Variants in FBXL7 observed in about 807,000 individuals in gnomAD.
FBXL7 encodes F-box and leucine rich repeat protein 7, also known as F-box/LRR-repeat protein 7.
A neutral mutation model predicts 38.3 loss-of-function variants in FBXL7; 12 were observed. That is an observed-to-expected ratio of 0.31 (90% CI 0.20 to 0.51). FBXL7 has a LOEUF of 0.51. Ranked by LOEUF, FBXL7 falls within the 20% of genes least tolerant of loss-of-function variation. The pLI is 0.98. For synonymous variants in FBXL7, 297 were observed against 300.9 expected, an observed-to-expected ratio of 0.99 and a Z score of 0.13; for missense variants, 567 against 676.4, an observed-to-expected ratio of 0.84 and a Z score of 1.79.
chr5:15,535,701 G>T (rs773311372), intron 1 of FBXL7, among the ~76,000 whole-genome samples: 1 of 152,198 alleles, frequency 6.6e-6, no homozygotes, highest in African/African-American at 2.4e-5. Flanking sequence ...TTCACAAAGA[G>T]ATAATCTGAA....
At chr5:15,721,065 G>A (rs946107319) in intron 2 of FBXL7, among the ~76,000 whole-genome samples, 1 of 152,088 alleles carries the variant, frequency 6.6e-6, no homozygotes, top group Non-Finnish European at 1.5e-5. Context: ...TTTCAATTAT[G>A]CAATTTTGCT....
At chr5:15,512,971 A>G (rs1011004502) in intron 1 of FBXL7, among the ~76,000 whole-genome samples, 10 of 152,216 alleles carry the variant, frequency 6.6e-5, no homozygotes, top group African/African-American at 2.4e-4. Flanking sequence ...TCTTAGGGTT[A>G]TGAATCCTTT....
At chr5:15,818,741 TGTGAGA>T (rs1227278423) in intron 2 of FBXL7, among the ~76,000 whole-genome samples, 729 of 43,208 alleles carry the variant, frequency 0.017, 8 homozygotes, top group African/African-American at 0.048. Context: ...TGTGTGTGTG[TGTGAGA>T]GAGAGAGAGA....
At chr5:15,903,835 G>A (rs56804352) in intron 2 of FBXL7, among the ~76,000 whole-genome samples, 1 of 152,144 alleles carries the variant, frequency 6.6e-6, no homozygotes, top group African/African-American at 2.4e-5. Flanking sequence ...CAGTACAGAG[G>A]TGGCAGAACT....
chr5:15,845,475 T>C (rs1260635103), intron 2 of FBXL7, among the ~76,000 whole-genome samples: 2 of 152,048 alleles, frequency 1.3e-5, no homozygotes, highest in East Asian at 3.9e-4. Flanking sequence ...CTGAGAAAAT[T>C]AGGACTAACC....
chr5:15,787,945 G>A (rs1579462505), intron 2 of FBXL7, among the ~76,000 whole-genome samples: 1 of 152,144 alleles, frequency 6.6e-6, no homozygotes, highest in Non-Finnish European at 1.5e-5. Context: ...AGAGGCTGGA[G>A]GTCTGAACTA....
intron 2 of FBXL7, among the ~76,000 whole-genome samples, chr5:15,697,588 A>C (rs1743380584): frequency 6.6e-6 from 1 of 151,952 alleles, no homozygotes; most frequent in African/African-American, 2.4e-5. Flanking sequence ...TCAAGGAGAC[A>C]AATTGGGAGT....
chr5:15,541,441 GTGTATATATA>G (rs1438166722), intron 1 of FBXL7, among the ~76,000 whole-genome samples: 32 of 53,370 alleles, frequency 6.0e-4, no homozygotes, highest in African/African-American at 1.1e-3. Context: ...ATGTGTGTGT[GTGTATATATA>G]TATATATATA....
At chr5:15,583,298 C>G (rs1739203297) in intron 1 of FBXL7, among the ~76,000 whole-genome samples, 1 of 152,178 alleles carries the variant, frequency 6.6e-6, no homozygotes, top group Non-Finnish European at 1.5e-5. Context: ...GATGGGGACA[C>G]AGAACCAAAC....
intron 2 of FBXL7, among the ~76,000 whole-genome samples, chr5:15,662,142 A>G (rs183338366): frequency 3.1e-4 from 47 of 152,290 alleles, no homozygotes; most frequent in Non-Finnish European, 2.9e-5. Context: ...TCCCACCCCA[A>G]CAGTGTATAA....
At chr5:15,894,234 C>T (rs1741025186) in intron 2 of FBXL7, among the ~76,000 whole-genome samples, 1 of 152,244 alleles carries the variant, frequency 6.6e-6, no homozygotes, top group Non-Finnish European at 1.5e-5. Context: ...GCGCTCCAGC[C>T]TGGGCAACAA....
chr5:15,540,146 G>A (rs1293026405), intron 1 of FBXL7, among the ~76,000 whole-genome samples: 3 of 152,054 alleles, frequency 2.0e-5, no homozygotes, highest in African/African-American at 7.2e-5. Flanking sequence ...TCAGGGTTGT[G>A]GTTAACCTTC....
chr5:15,658,864 G>A (rs1365700618), intron 2 of FBXL7, among the ~76,000 whole-genome samples: 1 of 152,164 alleles, frequency 6.6e-6, no homozygotes, highest in Non-Finnish European at 1.5e-5. Context: ...GTGCTGGGCT[G>A]TCTGCCTGTG....
At chr5:15,607,675 A>G (rs1041720113) in intron 1 of FBXL7, among the ~76,000 whole-genome samples, 1 of 152,194 alleles carries the variant, frequency 6.6e-6, no homozygotes, top group Non-Finnish European at 1.5e-5. Context: ...AGGAAGAAAA[A>G]ACCAGGACAT....
At chr5:15,746,960 C>G (rs1736031870) in intron 2 of FBXL7, among the ~76,000 whole-genome samples, 1 of 152,168 alleles carries the variant, frequency 6.6e-6, no homozygotes, top group Non-Finnish European at 1.5e-5. Flanking sequence ...TTAACACTCA[C>G]TCTGGCTTCC....
chr5:15,726,274 T>C (rs1744349109), intron 2 of FBXL7, among the ~76,000 whole-genome samples: 2 of 152,278 alleles, frequency 1.3e-5, no homozygotes, highest in African/African-American at 4.8e-5. Context: ...AGTTTCTTGC[T>C]GGCCATGGTG....
intron 2 of FBXL7, among the ~76,000 whole-genome samples, chr5:15,907,711 G>A (rs1359147865): frequency 2.4e-5 from 2 of 84,614 alleles, no homozygotes; most frequent in Middle Eastern, 5.5e-3. Context: ...GTAAGGAAGG[G>A]ATCCAGTTTC....
intron 1 of FBXL7, among the ~76,000 whole-genome samples, chr5:15,588,148 A>G (rs1197899486): frequency 1.3e-5 from 2 of 152,198 alleles, no homozygotes; most frequent in African/African-American, 4.8e-5. Flanking sequence ...GTACAGTTGA[A>G]TCCAAAGATT....
In FBXL7 at chr5:15,512,094, TCAG is replaced by T. The variant is rs1332359175; in HGVS notation, c.37+11384_37+11386del. The stretch of plus-strand genomic sequence containing the variant: ...GAATCAGCTCTAAAACTGGGGACCC[TCAG>T]CATCACCGGAGTCTTTATTTTCTTC... On this transcript the variant is annotated intron_variant, in intron 1 of 3. Transcript: ENST00000504595. Among the ~76,000 whole-genome samples the T allele has an allele frequency of 2.6e-5, 4 of 152,298 alleles. No individual in the cohort carries two copies. The East Asian group carries it at 7.7e-4, about 29-fold the overall frequency.
Sources: allele counts gnomAD v4.1 joint callset (sites outside exome capture counted in the v4.1 genomes callset), GRCh38; gene constraint gnomAD v4.1.1; transcripts MANE v1.5; gene names NCBI Gene and HGNC (gene_info 2026-07-23, HGNC 2026-07-21).